PIBF1: variants seen among roughly 807,000 people sequenced by gnomAD.
PIBF1 encodes progesterone-induced-blocking factor 1.
A neutral mutation model predicts 112.5 loss-of-function variants in PIBF1; 90 were observed. The ratio of observed to expected loss-of-function variants is 0.80; its 90% CI spans 0.67 to 0.95. PIBF1 has a LOEUF of 0.95. Among genes scored for constraint, PIBF1 ranks in the 40% least tolerant of loss-of-function variants. The pLI is 0.00. For missense variants in PIBF1, 915 were observed against 852.3 expected, an observed-to-expected ratio of 1.07 and a Z score of -0.92; for synonymous variants, 301 against 288.6, an observed-to-expected ratio of 1.04 and a Z score of -0.44.
intron 16 of PIBF1, among the ~76,000 whole-genome samples, chr13:72,994,556 C>T (rs925152360): frequency 2.0e-5 from 3 of 152,036 alleles, no homozygotes; most frequent in South Asian, 4.1e-4. Flanking sequence ...ACAATATTTA[C>T]AAATAATGAG....
chr13:72,988,740 A>G (rs890330829), intron 16 of PIBF1, among the ~76,000 whole-genome samples: 6 of 152,146 alleles, frequency 3.9e-5, no homozygotes, highest in Non-Finnish European at 7.3e-5. Flanking sequence ...AGTATTTACA[A>G]GTGAAATTAT....
chr13:72,897,388 A>G (rs1246616147), intron 11 of PIBF1, among the ~76,000 whole-genome samples: 1 of 152,188 alleles, frequency 6.6e-6, no homozygotes, highest in East Asian at 1.9e-4. Flanking sequence ...ACAAAAATAC[A>G]AGTTAAAAAT....
At chr13:72,888,727 G>GA (rs1212209434) in intron 10 of PIBF1, among the ~76,000 whole-genome samples, 1 of 150,812 alleles carries the variant, frequency 6.6e-6, no homozygotes, top group Admixed American at 6.6e-5. Context: ...CAGTCTACAT[G>GA]AAAAAAGGAA....
chr13:72,835,318 A>T lies in PIBF1; in HGVS notation c.1173A>T (p.Glu391Asp), dbSNP rs552630525. Residue 391 changes from glutamate to aspartate, a missense_variant, in exon 9 of 18, where the codon GAA (glutamate) becomes GAT (aspartate). Coordinates refer to ENST00000326291, the MANE Select transcript of PIBF1 (RefSeq NM_006346.4). Reference protein sequence around the residue: ...LEQIRLKTNQEIDQLRNASRE... With the variant: ...LEQIRLKTNQDIDQLRNASRE... ...AAATCAGATTGAAAACCAACCAAGA[A>T]ATTGATCAACTTCGAAATGCCTCTA... is the stretch of plus-strand genomic sequence containing the variant. 4.4e-6 allele frequency: 7 copies of T among 1,598,876 alleles called. No individual in the cohort carries two copies. The East Asian group carries it at 1.6e-4, about 36-fold the overall frequency.
chr13:73,010,098 T>C (rs924463856), intron 17 of PIBF1, among the ~76,000 whole-genome samples: 9 of 152,168 alleles, frequency 5.9e-5, no homozygotes, highest in African/African-American at 9.7e-5. Flanking sequence ...TTTATAGCAG[T>C]TGCTTTCACC....
chr13:72,903,392 T>C (rs2040575190), intron 11 of PIBF1, among the ~76,000 whole-genome samples: 1 of 152,224 alleles, frequency 6.6e-6, no homozygotes, highest in Non-Finnish European at 1.5e-5. Context: ...CAGTAAGCAC[T>C]GTGCTGGGCC....
intron 13 of PIBF1, among the ~76,000 whole-genome samples, chr13:72,921,295 G>T (rs1441934499): frequency 6.6e-6 from 1 of 151,914 alleles, no homozygotes; most frequent in Non-Finnish European, 1.5e-5. Flanking sequence ...TAGAGACAGG[G>T]TTTCACCATA....
At chr13:72,854,195 T>C (rs771507005) in intron 10 of PIBF1, 40 bp downstream of exon 10, 23 of 1,259,998 alleles carry the variant, frequency 1.8e-5, no homozygotes, top group Non-Finnish European at 2.7e-5. Flanking sequence ...ACTCTTCCAT[T>C]ATTGTTTCTG....
At chr13:72,962,157 C>T (rs79770043) in intron 14 of PIBF1, among the ~76,000 whole-genome samples, 99 of 151,988 alleles carry the variant, frequency 6.5e-4, no homozygotes, top group African/African-American at 2.1e-3. Flanking sequence ...GTTTTGTAAC[C>T]GCTAATAATA....
chr13:72,789,688 C>T (rs892122242), intron 2 of PIBF1, among the ~76,000 whole-genome samples: 3 of 151,198 alleles, frequency 2.0e-5, no homozygotes, highest in African/African-American at 7.3e-5. Flanking sequence ...TGTTTCTTAT[C>T]TAAAATGCTT....
At chr13:72,797,792 T>G in intron 4 of PIBF1, 115 bp from the exon 5 acceptor site, 1 of 743,016 alleles carries the variant, frequency 1.3e-6, no homozygotes, top group South Asian at 2.2e-5. Context: ...AATGACTGTC[T>G]TGTTGTAGTT....
intron 2 of PIBF1, among the ~76,000 whole-genome samples, chr13:72,788,055 A>G (rs2034697430): frequency 6.6e-6 from 1 of 152,196 alleles, no homozygotes; most frequent in South Asian, 2.1e-4. Flanking sequence ...TGAGCATCGT[A>G]TGCTAACGTT....
intron 5 of PIBF1, among the ~76,000 whole-genome samples, chr13:72,818,069 C>CAT (rs917232102): frequency 2.4e-5 from 2 of 81,642 alleles, no homozygotes; most frequent in African/African-American, 3.2e-5. Flanking sequence ...TAAATATATA[C>CAT]ATATATATAC....
chr13:72,935,319 A>G (rs1298921237), intron 14 of PIBF1, among the ~76,000 whole-genome samples: 1 of 152,078 alleles, frequency 6.6e-6, no homozygotes, highest in East Asian at 1.9e-4. Context: ...ATCATATAGT[A>G]TGTATATGCT....
At chr13:72,870,099 A>G (rs563009963) in intron 10 of PIBF1, among the ~76,000 whole-genome samples, 1 of 152,172 alleles carries the variant, frequency 6.6e-6, no homozygotes, top group Non-Finnish European at 1.5e-5. Context: ...ATACAATTCC[A>G]TATAGCTAAA....
chr13:72,831,918 T>A (rs1456804735), intron 8 of PIBF1, among the ~76,000 whole-genome samples: 1 of 152,122 alleles, frequency 6.6e-6, no homozygotes. Flanking sequence ...CCTTTATGAA[T>A]CTGGGTGTTC....
chr13:72,902,022 G>GTGTGTGTGTGTGTGTA (rs1228050787), intron 11 of PIBF1, among the ~76,000 whole-genome samples: 11 of 134,842 alleles, frequency 8.2e-5, no homozygotes, highest in Non-Finnish European at 1.3e-4. Flanking sequence ...GTGTGTGTGT[G>GTGTGTGTGTGTGTGTA]TATACACACA....
chr13:72,943,976 G>A lies in PIBF1; in HGVS notation c.1833+12709G>A, dbSNP rs542603729. ...AAGATGAGCACTTAGCACACTAACT[G>A]GCATATGTTAATCACTCGGTAAATG... On this transcript the variant is annotated intron_variant, in intron 14 of 17. Coordinates refer to ENST00000326291, the MANE Select transcript of PIBF1 (RefSeq NM_006346.4). 2.3e-3 allele frequency among the ~76,000 whole-genome samples: 348 copies of A among 152,214 alleles called. 1 individual carries two copies. Among genetic ancestry groups the A allele is most frequent in the Middle Eastern group, 0.01 (3 of 294 alleles).
At chr13:72,897,919 A>G (rs1387742909) in intron 11 of PIBF1, among the ~76,000 whole-genome samples, 1 of 152,196 alleles carries the variant, frequency 6.6e-6, no homozygotes, top group East Asian at 1.9e-4. Flanking sequence ...ACAAAGAAAC[A>G]ATGGATTTAA....
Sources: gnomAD v4.1 joint callset for allele counts (sites outside exome capture counted in the v4.1 genomes callset) on GRCh38, gnomAD v4.1.1 for gene constraint, MANE v1.5 for transcripts, NCBI Gene and HGNC (gene_info 2026-07-23, HGNC 2026-07-21) for gene names.